The following BBS12 variants were observed in gnomAD, a reference collection of about 807,000 sequenced individuals.
The protein encoded by BBS12 is chaperonin-containing T-complex member BBS12.
BBS12 carries 5 observed loss-of-function variants against 5.6 expected under a neutral mutation model. The observed-to-expected ratio is 0.89, with a 90% CI of 0.46 to 1.86. The LOEUF (loss-of-function observed/expected upper bound fraction) is 1.86. BBS12 is among the 40% of genes most tolerant of loss of function. BBS12 has a pLI of 0.01. For synonymous variants in BBS12, 308 were observed against 306.8 expected, an observed-to-expected ratio of 1.00 and a Z score of -0.04; for missense variants, 748 against 830.4, an observed-to-expected ratio of 0.90 and a Z score of 1.22.
At chr4:122,702,759 G>A in the BBS12 span, among the ~76,000 whole-genome samples, 3 of 152,180 alleles carry the variant, frequency 2.0e-5, no homozygotes, top group Non-Finnish European at 4.4e-5. Flanking sequence ...CAACCAAGAA[G>A]AGGTCTGTAA....
the BBS12 span, among the ~76,000 whole-genome samples, chr4:122,716,250 T>C: frequency 6.6e-6 from 1 of 152,168 alleles, no homozygotes; most frequent in Admixed American, 6.5e-5. Flanking sequence ...TAAATACAAT[T>C]GAATTTTGTA....
chr4:122,703,810 AT>A, the BBS12 span, among the ~76,000 whole-genome samples: 1 of 152,206 alleles, frequency 6.6e-6, no homozygotes, highest in African/African-American at 2.4e-5. Flanking sequence ...TGAGTCTTTT[AT>A]TTTTAATTAA....
At chr4:122,724,901 G>C in the BBS12 span, among the ~76,000 whole-genome samples, 9 of 152,080 alleles carry the variant, frequency 5.9e-5, no homozygotes, top group Non-Finnish European at 1.2e-4. Context: ...ACTCCAGTAT[G>C]GGCTTAAATC....
At position 122,743,189 on chromosome 4, in the gene BBS12, G is replaced by A. The variant is rs538077275; in HGVS notation, c.1297G>A (p.Val433Ile). The change falls in exon 2 of 2, where the codon GTA becomes ATA. Residue 433 changes from valine (V) to isoleucine (I), a missense_variant. By Grantham distance (29) the Val-to-Ile change is conservative. Coordinates refer to ENST00000314218, the MANE Select transcript of BBS12 (RefSeq NM_152618.3). ...AAAATGTATAAACAGTAAGCGGTTG[G>A]TAATCGGCTCAGTGAATGGCAGTGT... is the stretch of plus-strand genomic sequence containing the variant. ...IEKCINSKRL[V>I]IGSVNGSVMQ... is the part of the protein sequence containing the mutation. 2.5e-6 allele frequency: 4 copies of A among 1,614,102 alleles called. No individual in the cohort carries two copies. The highest frequency in any genetic ancestry group is 3.4e-6 in the Non-Finnish European group (4 of 1,180,054).
rs771722309 is a variant in BBS12, at chr4:122,742,535, A to T, written c.643A>T (p.Thr215Ser). 6.2e-7 allele frequency: 1 copy of T among 1,614,164 alleles called. No homozygotes were observed. Among genetic ancestry groups the T allele is most frequent in the South Asian group, 1.1e-5 (1 of 91,080 alleles). The change falls in exon 2 of 2, where the codon ACT becomes TCT. Residue 215 changes from threonine to serine, a missense_variant. Transcript: ENST00000314218. ...KVEADNNTSR[T>S]LKNSLLADTC... is the part of the protein sequence containing the mutation. ...TGAAGCAGATAACAACACATCACGA[A>T]CTCTGAAAAACAGCCTGCTTGCAGA...
At chr4:122,734,190 A>T (rs1800749709) in intron 1 of BBS12, 1 of 152,154 alleles carries the variant, frequency 6.6e-6, no homozygotes, top group Non-Finnish European at 1.5e-5. Context: ...GTTAAGTAAA[A>T]TGTGGTCACT....
the BBS12 span, among the ~76,000 whole-genome samples, chr4:122,710,200 C>T: frequency 3.3e-5 from 5 of 152,090 alleles, no homozygotes; most frequent in Non-Finnish European, 7.4e-5. Flanking sequence ...ATTTTAGTGA[C>T]TTCTTGATTT....
chr4:122,743,177 A>G lies in BBS12; in HGVS notation c.1285A>G (p.Ser429Gly). The G allele has an allele frequency of 6.2e-7, 1 of 1,614,238 alleles. No homozygotes were observed. The highest frequency in any genetic ancestry group is 8.5e-7 in the Non-Finnish European group (1 of 1,180,044). Residue 429 changes from serine to glycine, a missense_variant, in exon 2 of 2, where the codon AGT (serine) becomes GGT (glycine). Ser to Gly is a moderately conservative substitution (Grantham distance 56). Transcript: ENST00000314218. ...SERLIEKCIN[S>G]KRLVIGSVNG... is the part of the protein sequence containing the mutation. ...ACGCTTAATTGAAAAATGTATAAACAGTAAGCGGTTGGTAATCGGCTCAGT... is the reference window on the plus strand; with the variant it reads ...ACGCTTAATTGAAAAATGTATAAACGGTAAGCGGTTGGTAATCGGCTCAGT...
At chr4:122,737,678 C>T (rs1307238953) in intron 1 of BBS12, among the ~76,000 whole-genome samples, 3 of 152,186 alleles carry the variant, frequency 2.0e-5, no homozygotes, top group Non-Finnish European at 4.4e-5. Flanking sequence ...ACACCATTTA[C>T]AAAAGTTAAT....
chr4:122,728,872 A>T (rs559881623), upstream of BBS12: 21 of 152,362 alleles, frequency 1.4e-4, no homozygotes, highest in South Asian at 4.3e-3. Flanking sequence ...TGGTTATCAG[A>T]AAGTGTTTGT....
chr4:122,733,262 A>G (rs950997919), intron 1 of BBS12, among the ~76,000 whole-genome samples: 1 of 152,128 alleles, frequency 6.6e-6, no homozygotes, highest in Non-Finnish European at 1.5e-5. Flanking sequence ...GGATGTATTT[A>G]AAGCTTCACT....
At chr4:122,718,971 C>A in the BBS12 span, among the ~76,000 whole-genome samples, 5 of 152,134 alleles carry the variant, frequency 3.3e-5, no homozygotes, top group Non-Finnish European at 5.9e-5. Context: ...AGGCGCCCAC[C>A]ACCATGCCCG....
the BBS12 span, among the ~76,000 whole-genome samples, chr4:122,716,577 GTA>G: frequency 4.1e-5 from 6 of 147,602 alleles, 1 homozygote; most frequent in East Asian, 2.0e-4. Flanking sequence ...ATAAACATAT[GTA>G]TATATACACA....
upstream of BBS12, among the ~76,000 whole-genome samples, chr4:122,728,327 T>C (rs1436315612): frequency 6.6e-6 from 1 of 152,240 alleles, no homozygotes; most frequent in Non-Finnish European, 1.5e-5. Flanking sequence ...AATGGAATAT[T>C]ATACAGATAT....
the BBS12 span, among the ~76,000 whole-genome samples, chr4:122,716,177 G>C: frequency 2.0e-5 from 3 of 152,092 alleles, no homozygotes; most frequent in South Asian, 2.1e-4. Flanking sequence ...GCAGATTATA[G>C]TTCAAATCCC....
the BBS12 span, among the ~76,000 whole-genome samples, chr4:122,704,831 C>T: frequency 1.3e-5 from 2 of 152,192 alleles, no homozygotes; most frequent in Non-Finnish European, 2.9e-5. Context: ...TAATTGACTT[C>T]AATTCCAAGC....
At chr4:122,715,694 A>G in the BBS12 span, among the ~76,000 whole-genome samples, 625 of 152,280 alleles carry the variant, frequency 4.1e-3, 3 homozygotes, top group African/African-American at 0.013. Context: ...TTTTTTATTT[A>G]TCCATGATAT....
the BBS12 span, among the ~76,000 whole-genome samples, chr4:122,708,485 C>G: frequency 6.6e-6 from 1 of 152,094 alleles, no homozygotes; most frequent in African/African-American, 2.4e-5. Context: ...ATGGGGATAA[C>G]ACCCTGGCCC....
the BBS12 span, among the ~76,000 whole-genome samples, chr4:122,719,949 G>C: frequency 1.3e-5 from 2 of 152,158 alleles, no homozygotes; most frequent in Non-Finnish European, 2.9e-5. Context: ...GAATCAAAAT[G>C]ATCCTCTTAT....
Sources: allele counts gnomAD v4.1 joint callset (sites outside exome capture counted in the v4.1 genomes callset), GRCh38; gene constraint gnomAD v4.1.1; transcripts MANE v1.5; gene names NCBI Gene and HGNC (gene_info 2026-07-23, HGNC 2026-07-21).